The following NUAK1 variants were observed in gnomAD, a reference collection of about 807,000 sequenced individuals.
NUAK1 encodes NUAK family kinase 1.
NUAK1 carries 26 observed loss-of-function variants against 56.9 expected under a neutral mutation model. The observed-to-expected ratio is 0.46, with a 90% CI of 0.33 to 0.63. The LOEUF is 0.63. Among genes scored for constraint, NUAK1 ranks in the 30% least tolerant of loss-of-function variants. The probability of loss-of-function intolerance (pLI) is 0.02; values close to 1 mark genes in which losing one functional copy is unlikely to be tolerated. For missense variants in NUAK1, 727 were observed against 876.1 expected, an observed-to-expected ratio of 0.83 and a Z score of 2.15; for synonymous variants, 337 against 336.0, an observed-to-expected ratio of 1.00 and a Z score of -0.03.
Position 106,070,781 on chromosome 12 carries a change from C to T in NUAK1, c.825G>A (p.Gln275=). The T allele has an allele frequency of 1.2e-6, 2 of 1,614,212 alleles. No individual in the cohort carries two copies. Among genetic ancestry groups the T allele is most frequent in the Non-Finnish European group, 1.7e-6 (2 of 1,180,032 alleles). Residue 275 remains glutamine (Q), a synonymous_variant, in exon 6 of 7, where the codon CAG becomes CAA. Transcript: ENST00000261402. ...ISSGEYREPT[Q]PSDARGLIRW... ...CCTCCACAGGGCACGCACCTGAGGGCTGTGTTGGCTCCCGGTACTCTCCGC... is the reference window on the plus strand; with the variant it reads ...CCTCCACAGGGCACGCACCTGAGGGTTGTGTTGGCTCCCGGTACTCTCCGC...
chr12:106,132,857 C>G (rs2033092871), intron 1 of NUAK1, among the ~76,000 whole-genome samples: 1 of 152,150 alleles, frequency 6.6e-6, no homozygotes, highest in African/African-American at 2.4e-5. Context: ...GATCAGAACC[C>G]AGCTCAGACC....
rs2136454628 is a variant in NUAK1, at chr12:106,067,521, G to A, written c.1267C>T (p.Pro423Ser). ...ATCTTGAAAGTAGAGGGTAAGGCAG[G>A]ACCAACTACACCTTCAATGAAGCCA... ...STGFIEGVVG[P>S]ALPSTFKMEQ... The change falls in exon 7 of 7, where the codon CCT (proline) becomes TCT (serine). Residue 423 changes from proline to serine, a missense_variant. By Grantham distance (74) the Pro-to-Ser change is moderately conservative. Transcript: ENST00000261402. The surrounding 1 kb of genome is among the most constrained non-coding windows in gnomAD (Gnocchi z 6.0). 2 of 1,614,174 alleles carry A rather than the reference G, an allele frequency of 1.2e-6. No homozygotes were observed. The highest frequency in any genetic ancestry group is 1.7e-6 in the Non-Finnish European group (2 of 1,180,020).
chr12:106,089,030 C>T (rs1247258306), intron 2 of NUAK1, among the ~76,000 whole-genome samples: 1 of 152,244 alleles, frequency 6.6e-6, no homozygotes, highest in African/African-American at 2.4e-5. Context: ...TACCCTGCAG[C>T]TTTGGCTCCT....
At chr12:106,080,687 G>A (rs756544091) in intron 4 of NUAK1, among the ~76,000 whole-genome samples, 13 of 152,214 alleles carry the variant, frequency 8.5e-5, no homozygotes, top group Non-Finnish European at 1.5e-4. Context: ...CCACTGCAGC[G>A]ACATGTGACA....
intron 6 of NUAK1, among the ~76,000 whole-genome samples, chr12:106,069,470 G>C (rs937808637): frequency 6.6e-6 from 1 of 152,178 alleles, no homozygotes; most frequent in Non-Finnish European, 1.5e-5. Context: ...CAAGAAGGCT[G>C]TGATGTGCCT....
intron 6 of NUAK1, among the ~76,000 whole-genome samples, chr12:106,068,943 C>T (rs185700305): frequency 7.2e-5 from 11 of 152,344 alleles, no homozygotes; most frequent in Admixed American, 6.5e-4. Flanking sequence ...ATAAGTATTT[C>T]TTGAACGCCT....
In NUAK1 at chr12:106,067,908, G is replaced by A. The variant is rs375824826; in HGVS notation, c.880C>T (p.Arg294Trp). 5 of 1,613,556 alleles carry A rather than the reference G, an allele frequency of 3.1e-6. No individual in the cohort carries two copies. Among genetic ancestry groups the A allele is most frequent in the Non-Finnish European group, 3.4e-6 (4 of 1,179,726 alleles). Residue 294 changes from arginine to tryptophan, a missense_variant, in exon 7 of 7, where the codon CGG becomes TGG. Physicochemically the swap from Arg to Trp is moderately radical, Grantham distance 101. Coordinates refer to ENST00000261402, the MANE Select transcript of NUAK1 (RefSeq NM_014840.3). The surrounding 1 kb of genome is among the most constrained non-coding windows in gnomAD (Gnocchi z 6.0). ...RWMLMVNPDRRATIEDIANHW... is the reference protein window; with the variant it reads ...RWMLMVNPDRWATIEDIANHW... The stretch of plus-strand genomic sequence containing the variant: ...TTGGCAATGTCCTCAATAGTGGCCC[G>A]GCGATCGGGGTTCACCATCAGCATC...
At chr12:106,078,418 G>C (rs2032484320) in intron 4 of NUAK1, among the ~76,000 whole-genome samples, 1 of 152,240 alleles carries the variant, frequency 6.6e-6, no homozygotes, top group Non-Finnish European at 1.5e-5. Flanking sequence ...GCTTGCCTGA[G>C]ACATCGGTGA....
At chr12:106,091,541 G>A (rs1055442343) in intron 2 of NUAK1, among the ~76,000 whole-genome samples, 3 of 152,204 alleles carry the variant, frequency 2.0e-5, no homozygotes, top group Non-Finnish European at 2.9e-5. Flanking sequence ...AAACAGAACC[G>A]CCAGCAGCTG....
At chr12:106,083,115 A>G (rs2032535846) in intron 4 of NUAK1, among the ~76,000 whole-genome samples, 1 of 152,196 alleles carries the variant, frequency 6.6e-6, no homozygotes, top group Admixed American at 6.5e-5. Context: ...AGCCAGCAAT[A>G]ATACTCTCCG....
intron 6 of NUAK1, among the ~76,000 whole-genome samples, chr12:106,069,598 A>G (rs1356830207): frequency 6.6e-6 from 1 of 152,238 alleles, no homozygotes; most frequent in Non-Finnish European, 1.5e-5. Flanking sequence ...GTCTTTAAAC[A>G]GAGACACACA....
intron 1 of NUAK1, among the ~76,000 whole-genome samples, chr12:106,118,633 T>C (rs544159580): frequency 1.3e-5 from 2 of 152,332 alleles, no homozygotes; most frequent in African/African-American, 4.8e-5. Context: ...ACAACAAAAC[T>C]GTCAAATCCA....
chr12:106,121,492 G>A (rs1459785509), intron 1 of NUAK1, among the ~76,000 whole-genome samples: 1 of 152,222 alleles, frequency 6.6e-6, no homozygotes, highest in East Asian at 1.9e-4. Context: ...GCCCACACCT[G>A]TAATCCCAGC....
At chr12:106,099,765 A>G (rs1217291314) in intron 2 of NUAK1, among the ~76,000 whole-genome samples, 1 of 151,382 alleles carries the variant, frequency 6.6e-6, no homozygotes, top group Non-Finnish European at 1.5e-5. Context: ...ACACTCAATA[A>G]CTCCTAGCTA....
chr12:106,083,786 C>T lies in NUAK1; in HGVS notation c.579+78G>A, dbSNP rs767349712. 48 of 1,270,802 alleles carry T rather than the reference C, an allele frequency of 3.8e-5. 1 individual carries two copies. Among genetic ancestry groups the T allele is most frequent in the Non-Finnish European group, 5.2e-5 (45 of 873,278 alleles). The allele number at this position is 1,270,802 out of a possible 1,614,324, so 78.7% of individuals were successfully genotyped here. ...AAGTGGCTGCCTTATTTCCAGGCTG[C>T]GGCTTGGAGCAGGTTAAGCCTCCAT... On this transcript the variant is annotated intron_variant, in intron 4 of 6. Coordinates refer to ENST00000261402, the MANE Select transcript of NUAK1 (RefSeq NM_014840.3).
intron 1 of NUAK1, among the ~76,000 whole-genome samples, chr12:106,118,747 A>G (rs935613203): frequency 1.3e-5 from 2 of 152,224 alleles, no homozygotes; most frequent in Non-Finnish European, 2.9e-5. Flanking sequence ...CATGTAAAAC[A>G]TTTGGTTTGA....
chr12:106,095,169 C>CA (rs1004144129), intron 2 of NUAK1, among the ~76,000 whole-genome samples: 1 of 152,108 alleles, frequency 6.6e-6, no homozygotes, highest in Non-Finnish European at 1.5e-5. Context: ...CTTTCTCTCT[C>CA]AAAAAAATTA....
chr12:106,067,820 G>T lies in NUAK1; in HGVS notation c.968C>A (p.Ser323Tyr), dbSNP rs2032361035. The stretch of plus-strand genomic sequence containing the variant: ...GATCCGAGCCAGGAGTGGGGACTCA[G>T]AGTCATGGAGGGCATCACAGTCACA... ...SVCDCDALHD[S>Y]ESPLLARIID... The change falls in exon 7 of 7, where the codon TCT becomes TAT. Residue 323 changes from serine (S) to tyrosine (Y), a missense_variant. Transcript: ENST00000261402. The surrounding 1 kb of genome is among the most constrained non-coding windows in gnomAD (Gnocchi z 6.0). The T allele has an allele frequency of 6.2e-7, 1 of 1,614,090 alleles. No homozygotes were observed. The highest frequency in any genetic ancestry group is 8.5e-7 in the Non-Finnish European group (1 of 1,180,060).
chr12:106,089,870 C>T (rs927255479), intron 2 of NUAK1, among the ~76,000 whole-genome samples: 2 of 152,174 alleles, frequency 1.3e-5, no homozygotes, highest in Non-Finnish European at 2.9e-5. Context: ...TTTCTGGTTG[C>T]CAGACCTCAC....
Sources: allele counts gnomAD v4.1 joint callset (sites outside exome capture counted in the v4.1 genomes callset), GRCh38; gene constraint gnomAD v4.1.1; non-coding constraint Gnocchi (gnomAD v3.1); transcripts MANE v1.5; gene names NCBI Gene and HGNC (gene_info 2026-07-23, HGNC 2026-07-21).